Variants in LRRN4 observed in about 807,000 individuals in gnomAD.
The protein encoded by LRRN4 is leucine rich repeat neuronal 4, also known as leucine-rich repeat neuronal protein 4.
LRRN4 carries 26 observed loss-of-function variants against 22.3 expected under a neutral mutation model. The ratio of observed to expected loss-of-function variants is 1.16; its 90% CI spans 0.85 to 1.62. LRRN4 has a LOEUF of 1.62. Among genes scored for constraint, LRRN4 ranks in the 40% most tolerant of loss-of-function variants. The pLI is 0.00. For synonymous variants in LRRN4, 496 were observed against 486.2 expected, an observed-to-expected ratio of 1.02 and a Z score of -0.26; for missense variants, 1,070 against 1,008.5, an observed-to-expected ratio of 1.06 and a Z score of -0.83.
In LRRN4 at chr20:6,041,160, G is replaced by A; in HGVS notation, c.2085C>T (p.Leu695=). ...ATGCGGACAGCACCACGGTGCTGGCGAGCAACAGGCCGCTGGCGGCGCACA... is the reference window on the plus strand; with the variant it reads ...ATGCGGACAGCACCACGGTGCTGGCAAGCAACAGGCCGCTGGCGGCGCACA... The part of the protein sequence containing the change: ...SGLCAASGLL[L]ASTVVLSACL... The change falls in exon 5 of 5, where the codon CTC becomes CTT. Residue 695 remains leucine (L), a synonymous_variant. Transcript: ENST00000378858. This position sits in a 1 kb window ranked among gnomAD's most constrained non-coding sequence, Gnocchi z 9.4. The A allele has an allele frequency of 6.2e-7, 1 of 1,603,800 alleles. No homozygotes were observed. The highest frequency in any genetic ancestry group is 1.7e-5 in the Admixed American group (1 of 58,574).
Position 6,052,450 on chromosome 20 carries a change from CCCCA to C in LRRN4, c.346_349del (p.Trp116AlafsTer29). ...GTGCAGCCCCGCCGGCCCACCCGGG[CCCCA>C]GCGCAGCGCGGCGATGCGGTTGTGG... On this transcript the variant is annotated frameshift_variant, in exon 2 of 5. Transcript: ENST00000378858. LOFTEE classifies it high-confidence loss of function. 1 of 1,554,646 alleles carries C rather than the reference CCCCA, an allele frequency of 6.4e-7. No homozygotes were observed. The highest frequency in any genetic ancestry group is 2.4e-5 in the East Asian group (1 of 42,304).
In LRRN4 at chr20:6,052,749, C is replaced by A; in HGVS notation, c.51G>T (p.Trp17Cys). 2 of 1,573,502 alleles carry A rather than the reference C, an allele frequency of 1.3e-6. No individual in the cohort carries two copies. The highest frequency in any genetic ancestry group is 1.7e-6 in the Non-Finnish European group (2 of 1,167,400). The change falls in exon 2 of 5, where the codon TGG becomes TGT. Residue 17 changes from tryptophan (W) to cysteine (C), a missense_variant. Coordinates refer to ENST00000378858, the MANE Select transcript of LRRN4 (RefSeq NM_152611.5). ...GGACCTTCTCCTGGGGAGGGTCTGC[C>A]CAGCTGGGGCGCAGCACCGTCAGCA... is the stretch of plus-strand genomic sequence containing the variant. ...LLLLTVLRPS[W>C]ADPPQEKVPL...
chr20:6,052,808 G>C lies in LRRN4; in HGVS notation c.-5-4C>G, dbSNP rs1385118856. Reference sequence around the variant, plus strand: ...GGTAGGGTTTGCCGCATGGCGTCTGGGGAGAGAACAGCAGGACGCCCATCA... The same window carrying C: ...GGTAGGGTTTGCCGCATGGCGTCTGCGGAGAGAACAGCAGGACGCCCATCA... On this transcript the variant is annotated splice_polypyrimidine_tract_variant and splice_region_variant and intron_variant, in intron 1 of 4. Coordinates refer to ENST00000378858, the MANE Select transcript of LRRN4 (RefSeq NM_152611.5). 6.4e-7 allele frequency: 1 copy of C among 1,558,152 alleles called. No homozygotes were observed. The highest frequency in any genetic ancestry group is 8.6e-7 in the Non-Finnish European group (1 of 1,159,106).
At chr20:6,052,119 T>A in intron 2 of LRRN4, 26 bp downstream of exon 2, 2 of 1,570,166 alleles carry the variant, frequency 1.3e-6, no homozygotes, top group Non-Finnish European at 1.7e-6. Flanking sequence ...TCAGGCCGGC[T>A]GAAAACGCGG....
intron 1 of LRRN4, among the ~76,000 whole-genome samples, chr20:6,053,621 C>T (rs1197385913): frequency 1.3e-5 from 2 of 152,188 alleles, no homozygotes; most frequent in Non-Finnish European, 2.9e-5. Flanking sequence ...GTTAACCATG[C>T]CCTGGCCATG....
chr20:6,043,778 C>T (rs895410183), intron 4 of LRRN4, among the ~76,000 whole-genome samples: 1 of 152,038 alleles, frequency 6.6e-6, no homozygotes, highest in Non-Finnish European at 1.5e-5. Context: ...GGTGTGGTGG[C>T]TTGCACCTCT....
At chr20:6,047,194 C>G (rs6076918) in intron 3 of LRRN4, among the ~76,000 whole-genome samples, 3 of 152,120 alleles carry the variant, frequency 2.0e-5, no homozygotes, top group Admixed American at 6.5e-5. Flanking sequence ...TGGCTGGTTC[C>G]TGATGCATGT....
intron 1 of LRRN4, among the ~76,000 whole-genome samples, chr20:6,053,220 C>T (rs1033280330): frequency 6.6e-6 from 1 of 152,180 alleles, no homozygotes; most frequent in Non-Finnish European, 1.5e-5. Context: ...GCTCCATAAA[C>T]GTGAATGCCC....
intron 3 of LRRN4, among the ~76,000 whole-genome samples, chr20:6,046,321 A>C (rs1179823907): frequency 5.4e-5 from 8 of 148,360 alleles, no homozygotes; most frequent in African/African-American, 2.0e-4. Context: ...TTGAAATTTA[A>C]AAATATATAT....
intron 3 of LRRN4, among the ~76,000 whole-genome samples, chr20:6,048,674 G>A (rs1981167793): frequency 6.6e-6 from 1 of 152,134 alleles, no homozygotes; most frequent in South Asian, 2.1e-4. Context: ...AGTACAACAG[G>A]TTCGTGTTAT....
Position 6,041,537 on chromosome 20 carries a change from A to G in LRRN4, c.1708T>C (p.Cys570Arg). ...AELQRRWRCR[C>R]PGLSGEDTIP... ...GTGTCTTCCCCGCTGAGGCCGGGGC[A>G]CCGGCACCGCCACCGCCTCTGCAGC... The change falls in exon 5 of 5, where the codon TGC becomes CGC. Residue 570 changes from cysteine (C) to arginine (R), a missense_variant. Transcript: ENST00000378858. The surrounding 1 kb of genome is among the most constrained non-coding windows in gnomAD (Gnocchi z 9.4). 6.4e-7 allele frequency: 1 copy of G among 1,551,104 alleles called. No individual in the cohort carries two copies. The highest frequency in any genetic ancestry group is 1.2e-5 in the South Asian group (1 of 80,640).
At position 6,040,993 on chromosome 20, in the gene LRRN4, C is replaced by T. The variant is rs751922632; in HGVS notation, c.*29G>A. 6.2e-7 allele frequency: 1 copy of T among 1,605,754 alleles called. No homozygotes were observed. Among genetic ancestry groups the T allele is most frequent in the East Asian group, 2.2e-5 (1 of 44,516 alleles). On this transcript the variant is annotated 3_prime_UTR_variant, in exon 5 of 5. Coordinates refer to ENST00000378858, the MANE Select transcript of LRRN4 (RefSeq NM_152611.5). ...TTCCTTTTTGCGCTCAGATCCAGTT[C>T]GATGAGACGCGTTATCCCAGAAGCT...
chr20:6,041,976 G>C lies in LRRN4; in HGVS notation c.1269C>G (p.Ser423Arg). ...AGGGGGCAGTCCCCTCCCGTGCATC[G>C]CTGTGCGGCCATGCAGCTATCGTGC... ...GSRTIAAWPH[S>R]DAREGTAPST... Residue 423 changes from serine (S) to arginine (R), a missense_variant, in exon 5 of 5, where the codon AGC becomes AGG. Coordinates refer to ENST00000378858, the MANE Select transcript of LRRN4 (RefSeq NM_152611.5). The surrounding 1 kb of genome is among the most constrained non-coding windows in gnomAD (Gnocchi z 9.4). The C allele has an allele frequency of 6.2e-7, 1 of 1,614,026 alleles. No individual in the cohort carries two copies. The highest frequency in any genetic ancestry group is 8.5e-7 in the Non-Finnish European group (1 of 1,180,004).
Position 6,041,828 on chromosome 20 carries a change from C to T in LRRN4, c.1417G>A (p.Ala473Thr). Reference protein sequence around the residue: ...PELVLEPDISAASTPLASKLL... With the variant: ...PELVLEPDISTASTPLASKLL... ...TTGCTGGCCAGTGGGGTGGAGGCAG[C>T]TGAGATATCAGGCTCAAGGACAAGC... The change falls in exon 5 of 5, where the codon GCT becomes ACT. Residue 473 changes from alanine to threonine, a missense_variant. Physicochemically the swap from Ala to Thr is moderately conservative, Grantham distance 58 (BLOSUM62 0). Transcript: ENST00000378858. The surrounding 1 kb of genome is among the most constrained non-coding windows in gnomAD (Gnocchi z 9.4). 1 of 1,614,140 alleles carries T rather than the reference C, an allele frequency of 6.2e-7. No homozygotes were observed. Among genetic ancestry groups the T allele is most frequent in the Non-Finnish European group, 8.5e-7 (1 of 1,179,992 alleles).
chr20:6,043,178 G>A (rs879574070), intron 4 of LRRN4, among the ~76,000 whole-genome samples: 5 of 151,992 alleles, frequency 3.3e-5, no homozygotes, highest in Non-Finnish European at 7.4e-5. Context: ...GGAGGCCCAT[G>A]TAGGAGGATC....
At chr20:6,053,340 A>C (rs956484888) in intron 1 of LRRN4, among the ~76,000 whole-genome samples, 4 of 152,168 alleles carry the variant, frequency 2.6e-5, no homozygotes, top group Non-Finnish European at 5.9e-5. Context: ...TTTGCCTAAA[A>C]TAAGTCTTGG....
chr20:6,042,130 G>A lies in LRRN4; in HGVS notation c.1115C>T (p.Ala372Val). ...CQSDQSTTLG[A>V]SHPPCFNRST... ...GCGGTTGAAGCAAGGTGGGTGTGAA[G>A]CCCCGAGAGTGGTGCTTTGGTCGGA... The change falls in exon 5 of 5, where the codon GCT becomes GTT. Residue 372 changes from alanine (A) to valine (V), a missense_variant. Physicochemically the swap from Ala to Val is moderately conservative, Grantham distance 64. Coordinates refer to ENST00000378858, the MANE Select transcript of LRRN4 (RefSeq NM_152611.5). 2 of 1,614,188 alleles carry A rather than the reference G, an allele frequency of 1.2e-6. No homozygotes were observed. Among genetic ancestry groups the A allele is most frequent in the Non-Finnish European group, 1.7e-6 (2 of 1,180,018 alleles).
At chr20:6,044,816 G>A in intron 3 of LRRN4, 136 bp from the exon 4 acceptor site, 2 of 716,270 alleles carry the variant, frequency 2.8e-6, no homozygotes, top group Non-Finnish European at 4.0e-6. Flanking sequence ...TACCGCTTTG[G>A]GCAAAACTCT....
In LRRN4 at chr20:6,041,328, G is replaced by A; in HGVS notation, c.1917C>T (p.Tyr639=). 6.3e-7 allele frequency: 1 copy of A among 1,598,100 alleles called. No individual in the cohort carries two copies. Among genetic ancestry groups the A allele is most frequent in the Non-Finnish European group, 8.5e-7 (1 of 1,176,152 alleles). Residue 639 remains tyrosine, a synonymous_variant, in exon 5 of 5, where the codon TAC becomes TAT. Transcript: ENST00000378858. The surrounding 1 kb of genome is among the most constrained non-coding windows in gnomAD (Gnocchi z 9.4). ...IYATARQHPL[Y]GLSPGTTYRV... ...GGTAGGTGGTGCCCGGCGACAGCCC[G>A]TACAGAGGGTGCTGCCGGGCCGTGG... is the stretch of plus-strand genomic sequence containing the variant.
Sources: gnomAD v4.1 joint callset for allele counts (sites outside exome capture counted in the v4.1 genomes callset) on GRCh38, gnomAD v4.1.1 for gene constraint, Gnocchi (gnomAD v3.1) non-coding constraint, MANE v1.5 for transcripts, NCBI Gene and HGNC (gene_info 2026-07-23, HGNC 2026-07-21) for gene names.